The following NCMAP variants were observed in gnomAD, a reference collection of about 807,000 sequenced individuals.
The protein encoded by NCMAP is noncompact myelin-associated protein.
NCMAP carries 8 observed loss-of-function variants against 7.8 expected under a neutral mutation model. The ratio of observed to expected loss-of-function variants is 1.02; its 90% CI spans 0.60 to 1.84. The LOEUF (loss-of-function observed/expected upper bound fraction) is 1.84. NCMAP is among the 40% of genes most tolerant of loss of function. The pLI is 0.00. For synonymous variants in NCMAP, 41 were observed against 52.9 expected (o/e 0.78, Z 0.98); for missense variants, 112 against 131.4 (o/e 0.85, Z 0.72).
At chr1:24,582,707 A>T (rs551037143) in intron 1 of NCMAP, among the ~76,000 whole-genome samples, 49 of 152,336 alleles carry the variant, frequency 3.2e-4, no homozygotes, top group Admixed American at 1.9e-3. Context: ...TAGCCCACTA[A>T]GGCCAACTTT....
At chr1:24,603,358 T>A (rs1652573915) in intron 3 of NCMAP, among the ~76,000 whole-genome samples, 1 of 150,550 alleles carries the variant, frequency 6.6e-6, no homozygotes, top group Non-Finnish European at 1.5e-5. Flanking sequence ...ATAATAACAT[T>A]AAAAAATTAT....
At chr1:24,591,460 G>T (rs563873382) in intron 1 of NCMAP, among the ~76,000 whole-genome samples, 2 of 152,336 alleles carry the variant, frequency 1.3e-5, no homozygotes, top group Non-Finnish European at 2.9e-5. Flanking sequence ...TAGAGATGTG[G>T]TTTCACCATG....
At chr1:24,568,913 A>G (rs1426400332) in intron 1 of NCMAP, among the ~76,000 whole-genome samples, 3 of 152,134 alleles carry the variant, frequency 2.0e-5, no homozygotes, top group African/African-American at 7.2e-5. Context: ...ATGCGTCACC[A>G]TACCCGGCTC....
intron 3 of NCMAP, among the ~76,000 whole-genome samples, chr1:24,603,700 T>C (rs1213123631): frequency 6.6e-6 from 1 of 152,176 alleles, no homozygotes; most frequent in African/African-American, 2.4e-5. Context: ...TCTTTGTTCT[T>C]AGGAGTATTT....
intron 1 of NCMAP, among the ~76,000 whole-genome samples, chr1:24,558,831 C>T (rs1354706807): frequency 6.6e-6 from 1 of 152,150 alleles, no homozygotes; most frequent in Non-Finnish European, 1.5e-5. Context: ...CGGTGGCGTT[C>T]TCCAGGAATT....
intron 1 of NCMAP, among the ~76,000 whole-genome samples, chr1:24,556,523 T>C (rs142419900): frequency 1.7e-4 from 26 of 152,324 alleles, no homozygotes; most frequent in African/African-American, 6.0e-4. Flanking sequence ...AAGGAACTTT[T>C]ACCCACTTGG....
At position 24,595,412 on chromosome 1, in the gene NCMAP, C is replaced by T. The variant is rs1652187939; in HGVS notation, c.-7-12C>T. ...CTAATTTTAAACAAAATATCTTCTT[C>T]TTTCTCATCAGGATCGAGATGACCA... On this transcript the variant is annotated splice_polypyrimidine_tract_variant and intron_variant, in intron 1 of 3. Transcript: ENST00000374392. 1 of 1,582,896 alleles carries T rather than the reference C, an allele frequency of 6.3e-7. No individual in the cohort carries two copies. The highest frequency in any genetic ancestry group is 1.3e-5 in the African/African-American group (1 of 74,166).
intron 3 of NCMAP, among the ~76,000 whole-genome samples, chr1:24,603,817 G>A (rs193174104): frequency 2.0e-5 from 3 of 152,346 alleles, no homozygotes; most frequent in African/African-American, 7.2e-5. Flanking sequence ...AAAAGCAGAT[G>A]TGGCAAATTG....
chr1:24,556,969 T>C (rs1650914355), intron 1 of NCMAP, among the ~76,000 whole-genome samples: 1 of 152,172 alleles, frequency 6.6e-6, no homozygotes. Flanking sequence ...GTCCACACTT[T>C]TCTCTATGTT....
intron 1 of NCMAP, among the ~76,000 whole-genome samples, chr1:24,556,410 G>T (rs1050858982): frequency 3.3e-5 from 5 of 152,204 alleles, no homozygotes; most frequent in African/African-American, 1.2e-4. Context: ...GTGGGTCTTG[G>T]AGACGAGGTC....
At chr1:24,567,390 G>T (rs983535304) in intron 1 of NCMAP, among the ~76,000 whole-genome samples, 1 of 152,164 alleles carries the variant, frequency 6.6e-6, no homozygotes, top group African/African-American at 2.4e-5. Context: ...ACCTCCTTCA[G>T]ATAGGAGGAG....
intron 2 of NCMAP, among the ~76,000 whole-genome samples, chr1:24,596,601 G>A (rs1277002134): frequency 6.6e-6 from 1 of 151,760 alleles, no homozygotes; most frequent in East Asian, 2.0e-4. Flanking sequence ...CAGGAGGATC[G>A]CTTGAGCCTG....
intron 1 of NCMAP, among the ~76,000 whole-genome samples, chr1:24,590,959 G>A (rs1037011288): frequency 3.9e-5 from 6 of 152,238 alleles, no homozygotes; most frequent in Non-Finnish European, 7.3e-5. Flanking sequence ...GGGAAAGGGA[G>A]AGGCAGTTCG....
chr1:24,560,824 A>C (rs1054801044), intron 1 of NCMAP, among the ~76,000 whole-genome samples: 5 of 151,938 alleles, frequency 3.3e-5, no homozygotes, highest in African/African-American at 1.2e-4. Flanking sequence ...GGGTTTCCTA[A>C]GGTTTCAACT....
At chr1:24,605,303 T>C (rs188938352) in intron 3 of NCMAP, among the ~76,000 whole-genome samples, 121 of 152,286 alleles carry the variant, frequency 7.9e-4, no homozygotes, top group African/African-American at 2.7e-3. Context: ...GCTACAACTT[T>C]GAACATAAAA....
At chr1:24,560,736 C>T (rs2148924266) in intron 1 of NCMAP, among the ~76,000 whole-genome samples, 1 of 149,976 alleles carries the variant, frequency 6.7e-6, no homozygotes, top group Admixed American at 6.6e-5. Context: ...AGAGCAAGAC[C>T]CTATCTCATA....
intron 1 of NCMAP, among the ~76,000 whole-genome samples, chr1:24,567,899 G>A (rs1651275118): frequency 6.6e-6 from 1 of 152,262 alleles, no homozygotes; most frequent in South Asian, 2.1e-4. Flanking sequence ...GGGGGCTGAA[G>A]TGTAAAGGGC....
At chr1:24,580,595 C>T (rs1387592155) in intron 1 of NCMAP, among the ~76,000 whole-genome samples, 1 of 152,164 alleles carries the variant, frequency 6.6e-6, no homozygotes, top group Non-Finnish European at 1.5e-5. Flanking sequence ...GGACTACAGG[C>T]ATGCACCACC....
chr1:24,578,408 G>A (rs1429188621), intron 1 of NCMAP, among the ~76,000 whole-genome samples: 5 of 150,382 alleles, frequency 3.3e-5, no homozygotes, highest in African/African-American at 9.8e-5. Flanking sequence ...CCTGGGACAC[G>A]GAGTTGCTTC....
Sources: allele counts gnomAD v4.1 joint callset (sites outside exome capture counted in the v4.1 genomes callset), GRCh38; gene constraint gnomAD v4.1.1; transcripts MANE v1.5; gene names NCBI Gene and HGNC (gene_info 2026-07-23, HGNC 2026-07-21).